Variants in TIAM1 observed in about 807,000 individuals in gnomAD.
The protein encoded by TIAM1 is TIAM Rac1 associated GEF 1.
TIAM1 carries 65 observed loss-of-function variants against 163.5 expected under a neutral mutation model. The observed-to-expected ratio is 0.40, with a 90% CI of 0.33 to 0.49. The LOEUF (loss-of-function observed/expected upper bound fraction) is 0.49, where lower values mean the gene tolerates loss of function less well. TIAM1 is among the 20% of genes least tolerant of loss of function. The pLI, the probability that TIAM1 is intolerant of heterozygous loss-of-function variation, is 0.77. For synonymous variants in TIAM1, 833 were observed against 810.1 expected (o/e 1.03, Z -0.48); for missense variants, 1,789 against 2,044.7 (o/e 0.87, Z 2.41).
At chr21:31,404,773 G>C (rs2077220270) in intron 2 of TIAM1, among the ~76,000 whole-genome samples, 1 of 152,010 alleles carries the variant, frequency 6.6e-6, no homozygotes, top group Non-Finnish European at 1.5e-5. Context: ...AAAGCTGGGT[G>C]GTGGGTACCC....
intron 1 of TIAM1, among the ~76,000 whole-genome samples, chr21:31,526,877 T>A (rs1301889461): frequency 6.6e-6 from 1 of 152,120 alleles, no homozygotes; most frequent in East Asian, 1.9e-4. Flanking sequence ...CATTTTGGTA[T>A]TTTTAGTAGA....
intron 2 of TIAM1, among the ~76,000 whole-genome samples, chr21:31,364,438 C>T (rs1403893818): frequency 3.3e-5 from 5 of 152,210 alleles, no homozygotes; most frequent in African/African-American, 1.2e-4. Context: ...ACACTCAAGC[C>T]TCCGCAGAGG....
At chr21:31,228,890 CGAG>C (rs1158264046) in intron 6 of TIAM1, among the ~76,000 whole-genome samples, 1 of 152,006 alleles carries the variant, frequency 6.6e-6, no homozygotes, top group Non-Finnish European at 1.5e-5. Context: ...ACGGTGGCAG[CGAG>C]GAGAAGTGCA....
At chr21:31,492,314 C>T (rs941686225) in intron 1 of TIAM1, among the ~76,000 whole-genome samples, 3 of 152,220 alleles carry the variant, frequency 2.0e-5, no homozygotes, top group Admixed American at 2.0e-4. Context: ...GATCTTTACC[C>T]GAAAACAGTT....
At chr21:31,400,720 T>C (rs562265884) in intron 2 of TIAM1, among the ~76,000 whole-genome samples, 1 of 152,156 alleles carries the variant, frequency 6.6e-6, no homozygotes, top group Non-Finnish European at 1.5e-5. Context: ...CCAGTCCTCT[T>C]CTCTGTCTTT....
intron 5 of TIAM1, among the ~76,000 whole-genome samples, chr21:31,249,510 G>A (rs1009983713): frequency 6.6e-6 from 1 of 152,212 alleles, no homozygotes; most frequent in African/African-American, 2.4e-5. Context: ...CCCTCAAGAG[G>A]CTGTGATGCA....
At chr21:31,152,275 T>C (rs564775494) in intron 19 of TIAM1, among the ~76,000 whole-genome samples, 2 of 152,228 alleles carry the variant, frequency 1.3e-5, no homozygotes, top group Admixed American at 6.5e-5. Flanking sequence ...TCAGGTGATC[T>C]GCCCGCCTTG....
rs1568904228 is a variant in TIAM1 at position 31,141,750 on chromosome 21, G to A, written c.3476-246C>T. ...ATGAGTTAAAGGATGACGGAGTGTA[G>A]ACTGCAGACACCCGGATTTCCAGCG... is the stretch of plus-strand genomic sequence containing the variant. On this transcript the variant is annotated intron_variant, in intron 20 of 27. Transcript: ENST00000541036. The surrounding 1 kb of genome is among the most constrained non-coding windows in gnomAD (Gnocchi z 4.7). Among the ~76,000 whole-genome samples the A allele has an allele frequency of 6.6e-6, 1 of 152,114 alleles. No homozygotes were observed. The highest frequency in any genetic ancestry group is 1.5e-5 in the Non-Finnish European group (1 of 68,018).
chr21:31,313,947 A>C (rs568012915), intron 2 of TIAM1, among the ~76,000 whole-genome samples: 2 of 152,366 alleles, frequency 1.3e-5, no homozygotes, highest in African/African-American at 4.8e-5. Flanking sequence ...TAGTTAATGC[A>C]GTCAGAATGG....
intron 27 of TIAM1, 94 bp downstream of exon 27, chr21:31,124,428 C>T (rs1357903090): frequency 3.2e-6 from 5 of 1,548,144 alleles, no homozygotes; most frequent in East Asian, 4.6e-5. Flanking sequence ...CCAGGCCACA[C>T]CTCACCCCCA....
intron 1 of TIAM1, among the ~76,000 whole-genome samples, chr21:31,510,641 C>T (rs1286449593): frequency 1.3e-5 from 2 of 152,140 alleles, no homozygotes; most frequent in African/African-American, 2.4e-5. Flanking sequence ...GATGAAACCT[C>T]GTCTCTACTA....
intron 2 of TIAM1, among the ~76,000 whole-genome samples, chr21:31,406,552 G>A (rs2077250626): frequency 6.6e-6 from 1 of 152,114 alleles, no homozygotes; most frequent in African/African-American, 2.4e-5. Context: ...TATTACTAAT[G>A]CAATAAACTT....
intron 14 of TIAM1, among the ~76,000 whole-genome samples, chr21:31,183,472 C>T (rs1180981219): frequency 1.3e-5 from 2 of 152,052 alleles, no homozygotes; most frequent in Non-Finnish European, 2.9e-5. Flanking sequence ...AGAAAAGGAG[C>T]CCAATTTCTA....
At chr21:31,317,309 C>T (rs1280694037) in intron 2 of TIAM1, among the ~76,000 whole-genome samples, 2 of 151,672 alleles carry the variant, frequency 1.3e-5, no homozygotes, top group African/African-American at 2.4e-5. Flanking sequence ...ACAAAATTAG[C>T]CGGGCGTGGT....
intron 23 of TIAM1, among the ~76,000 whole-genome samples, chr21:31,132,354 C>G (rs1025978385): frequency 7.9e-5 from 12 of 152,202 alleles, no homozygotes; most frequent in Non-Finnish European, 1.5e-4. Flanking sequence ...TCACACCTCA[C>G]AGCATCTGAC....
chr21:31,270,500 C>T (rs2073008090), intron 3 of TIAM1, among the ~76,000 whole-genome samples: 1 of 152,156 alleles, frequency 6.6e-6, no homozygotes, highest in Non-Finnish European at 1.5e-5. Flanking sequence ...CCACATAGCT[C>T]TCATGTTTAG....
intron 1 of TIAM1, among the ~76,000 whole-genome samples, chr21:31,511,439 C>T (rs1252871246): frequency 6.6e-6 from 1 of 152,204 alleles, no homozygotes; most frequent in Non-Finnish European, 1.5e-5. Context: ...TGGTCTGTCC[C>T]TTACCAGACA....
chr21:31,315,981 A>T (rs766566784), intron 2 of TIAM1, among the ~76,000 whole-genome samples: 2 of 152,200 alleles, frequency 1.3e-5, no homozygotes, highest in South Asian at 2.1e-4. Context: ...GGTCTCAAAA[A>T]ATAAACCTGC....
rs1222262650 is a variant in TIAM1, at chr21:31,251,991, G to A, written c.1162C>T (p.Arg388Trp). 1 of 1,613,934 alleles carries A rather than the reference G, an allele frequency of 6.2e-7. No homozygotes were observed. ...GTGGTGCTCATCTCCAGCTCCCGCC[G>A]GAAGTTCTCGTACACCCCCTGACGA... is the stretch of plus-strand genomic sequence containing the variant. ...AARQGVYENFRRELEMSTTNS... is the reference protein window; with the variant it reads ...AARQGVYENFWRELEMSTTNS... The change falls in exon 5 of 28, where the codon CGG becomes TGG. Residue 388 changes from arginine (R) to tryptophan (W), a missense_variant. Around this residue, in one of 5 missense-constraint regions of TIAM1, gnomAD observed 555 missense variants for 564.9 expected, o/e 0.98. Transcript: ENST00000541036.
Sources: gnomAD v4.1 joint callset for allele counts (sites outside exome capture counted in the v4.1 genomes callset) on GRCh38, gnomAD v4.1.1 for gene constraint, gnomAD v4.1.1 regional missense constraint, Gnocchi (gnomAD v3.1) non-coding constraint, MANE v1.5 for transcripts, NCBI Gene and HGNC (gene_info 2026-07-23, HGNC 2026-07-21) for gene names.